The following DLGAP1 variants were observed in gnomAD, a reference collection of about 807,000 sequenced individuals.
DLGAP1 encodes DLG associated protein 1.
DLGAP1 carries 11 observed loss-of-function variants against 90.8 expected under a neutral mutation model. The ratio of observed to expected loss-of-function variants is 0.12; its 90% CI spans 0.08 to 0.20. The LOEUF (loss-of-function observed/expected upper bound fraction) is 0.20. DLGAP1 is among the 10% of genes least tolerant of loss of function. The pLI is 1.00. For missense variants in DLGAP1, 1,050 were observed against 1,333.8 expected, an observed-to-expected ratio of 0.79 and a Z score of 3.31; for synonymous variants, 558 against 540.7, an observed-to-expected ratio of 1.03 and a Z score of -0.44.
intron 1 of DLGAP1, among the ~76,000 whole-genome samples, chr18:4,198,728 C>T (rs1411448958): frequency 6.6e-6 from 1 of 152,212 alleles, no homozygotes; most frequent in Non-Finnish European, 1.5e-5. Flanking sequence ...AGATTGGCCT[C>T]AAGGTACAAT....
At chr18:4,347,392 A>T (rs2081319840) in intron 1 of DLGAP1, among the ~76,000 whole-genome samples, 1 of 152,130 alleles carries the variant, frequency 6.6e-6, no homozygotes, top group Non-Finnish European at 1.5e-5. Context: ...ACTTTGTTCA[A>T]AAGAAAATAA....
At chr18:4,165,012 G>A (rs1598520582) in intron 1 of DLGAP1, among the ~76,000 whole-genome samples, 2 of 152,180 alleles carry the variant, frequency 1.3e-5, no homozygotes, top group East Asian at 3.9e-4. Context: ...CCTTTAGGAA[G>A]ATTACAAAAA....
At chr18:3,972,698 T>C (rs1161107537) in intron 3 of DLGAP1, among the ~76,000 whole-genome samples, 4 of 152,224 alleles carry the variant, frequency 2.6e-5, no homozygotes, top group Admixed American at 6.5e-5. Context: ...AACTTTGTTA[T>C]GTTGAGCTCT....
At chr18:3,504,575 G>A (rs2059060021) in intron 11 of DLGAP1, among the ~76,000 whole-genome samples, 1 of 151,796 alleles carries the variant, frequency 6.6e-6, no homozygotes, top group African/African-American at 2.4e-5. Context: ...TTGTAGAGAT[G>A]GGGTCTCACA....
intron 4 of DLGAP1, among the ~76,000 whole-genome samples, chr18:3,833,339 T>TC (rs2068174089): frequency 6.6e-6 from 1 of 151,762 alleles, no homozygotes; most frequent in African/African-American, 2.4e-5. Context: ...GCTCAAGCAA[T>TC]CCTTCCACTT....
Position 3,499,244 on chromosome 18 carries a change from C to A in DLGAP1, c.2875G>T (p.Ala959Ser). 6.3e-7 allele frequency: 1 copy of A among 1,589,320 alleles called. No homozygotes were observed. Among genetic ancestry groups the A allele is most frequent in the Admixed American group, 1.7e-5 (1 of 58,178 alleles). The part of the protein sequence containing the change: ...KRAASVRQNS[A>S]TESAESIEIY... ...TCGATGCTCTCGGCGCTCTCGGTGG[C>A]CGAGTTCTGGCGGACGGACGCGGCG... Residue 959 changes from alanine to serine, a missense_variant, in exon 13 of 13, where the codon GCC (alanine) becomes TCC (serine). Ala to Ser is a moderately conservative substitution (Grantham distance 99, BLOSUM62 1). Transcript: ENST00000315677. The surrounding 1 kb of genome is among the most constrained non-coding windows in gnomAD (Gnocchi z 6.4).
intron 3 of DLGAP1, among the ~76,000 whole-genome samples, chr18:3,924,525 G>A (rs1205058068): frequency 1.3e-5 from 2 of 152,064 alleles, no homozygotes; most frequent in African/African-American, 2.4e-5. Context: ...CTCAAGTTTT[G>A]GGGGAAAAAG....
At chr18:3,796,665 C>T (rs2066004932) in intron 5 of DLGAP1, among the ~76,000 whole-genome samples, 1 of 152,168 alleles carries the variant, frequency 6.6e-6, no homozygotes, top group Admixed American at 6.5e-5. Flanking sequence ...CGCTTAGCCA[C>T]TGAGCTAAGA....
At chr18:3,712,498 A>G (rs1311282279) in intron 7 of DLGAP1, among the ~76,000 whole-genome samples, 1 of 152,230 alleles carries the variant, frequency 6.6e-6, no homozygotes, top group Non-Finnish European at 1.5e-5. Flanking sequence ...TCCTTACAGA[A>G]CACCTCATGG....
At chr18:4,451,842 C>T (rs933244238) in intron 1 of DLGAP1, among the ~76,000 whole-genome samples, 4 of 151,972 alleles carry the variant, frequency 2.6e-5, no homozygotes, top group Non-Finnish European at 5.9e-5. Flanking sequence ...GATAGTGTTT[C>T]TTTAAAATAA....
chr18:3,918,066 A>G (rs2072186469), intron 3 of DLGAP1, among the ~76,000 whole-genome samples: 1 of 152,316 alleles, frequency 6.6e-6, no homozygotes, highest in African/African-American at 2.4e-5. Flanking sequence ...AAATCTGACA[A>G]TGAACTAGAG....
chr18:3,787,439 C>T (rs185461953), intron 5 of DLGAP1, among the ~76,000 whole-genome samples: 14 of 125,434 alleles, frequency 1.1e-4, no homozygotes, highest in African/African-American at 3.9e-4. Context: ...CAAGATTGCA[C>T]CACTGCACTC....
At chr18:4,070,427 A>C (rs1319878910) in intron 2 of DLGAP1, among the ~76,000 whole-genome samples, 3 of 152,164 alleles carry the variant, frequency 2.0e-5, no homozygotes, top group Admixed American at 6.6e-5. Context: ...GGAAACTCAC[A>C]CTGATTAATC....
At chr18:3,895,321 A>ACACACACAC (rs1555703472) in intron 3 of DLGAP1, among the ~76,000 whole-genome samples, 1 of 104,768 alleles carries the variant, frequency 9.5e-6, no homozygotes, top group African/African-American at 3.7e-5. Context: ...ACACACACAC[A>ACACACACAC]TCATCATCAT....
intron 2 of DLGAP1, among the ~76,000 whole-genome samples, chr18:4,099,417 TAAAG>T (rs939135263): frequency 6.6e-6 from 1 of 152,210 alleles, no homozygotes; most frequent in Non-Finnish European, 1.5e-5. Flanking sequence ...ACCACAGCAA[TAAAG>T]AAAGTCACAT....
At chr18:3,864,679 T>C (rs1037575113) in intron 4 of DLGAP1, among the ~76,000 whole-genome samples, 78 of 152,296 alleles carry the variant, frequency 5.1e-4, no homozygotes, top group African/African-American at 1.7e-3. Context: ...TTTATTCTGA[T>C]AGACTTCCGA....
chr18:4,028,049 T>C (rs1032907912), intron 2 of DLGAP1, among the ~76,000 whole-genome samples: 4 of 152,212 alleles, frequency 2.6e-5, no homozygotes, highest in Admixed American at 2.6e-4. Flanking sequence ...GTGTGCTTCT[T>C]TGCTAGAAAT....
At chr18:3,840,005 T>C (rs2068624167) in intron 4 of DLGAP1, among the ~76,000 whole-genome samples, 1 of 152,190 alleles carries the variant, frequency 6.6e-6, no homozygotes, top group African/African-American at 2.4e-5. Flanking sequence ...CACAAATGGC[T>C]TTACTCCTTC....
intron 1 of DLGAP1, among the ~76,000 whole-genome samples, chr18:4,197,207 A>AAGAAAAAAAC (rs1206708922): frequency 5.3e-5 from 8 of 150,060 alleles, no homozygotes; most frequent in Non-Finnish European, 7.4e-5. Flanking sequence ...AAAAAAAAAA[A>AAGAAAAAAAC]AGAAAAAAAA....
Sources: allele counts gnomAD v4.1 joint callset (sites outside exome capture counted in the v4.1 genomes callset), GRCh38; gene constraint gnomAD v4.1.1; non-coding constraint Gnocchi (gnomAD v3.1); transcripts MANE v1.5; gene names NCBI Gene and HGNC (gene_info 2026-07-23, HGNC 2026-07-21).